The following AGBL4 variants were observed in gnomAD, a reference collection of about 807,000 sequenced individuals.
AGBL4 encodes the protein cytosolic carboxypeptidase 6.
Under a neutral mutation model 66.4 loss-of-function variants are expected in AGBL4, and 58 were observed. The ratio of observed to expected loss-of-function variants is 0.87; its 90% CI spans 0.71 to 1.09. AGBL4 has a LOEUF of 1.09. AGBL4 is among the 50% of genes least tolerant of loss of function. The probability of loss-of-function intolerance (pLI) is 0.00; values close to 1 mark genes in which losing one functional copy is unlikely to be tolerated. For missense variants in AGBL4, 579 were observed against 631.0 expected (o/e 0.92, Z 0.88); for synonymous variants, 234 against 222.9 (o/e 1.05, Z -0.44).
At position 49,948,036 on chromosome 1, in the gene AGBL4, A is replaced by ATG. The variant is rs1491406567; in HGVS notation, c.34+75726_34+75727insCA. Among the ~76,000 whole-genome samples, 2 of 14,680 alleles carry ATG rather than the reference A, an allele frequency of 1.4e-4. 1 individual carries two copies. The highest frequency in any genetic ancestry group is 3.1e-4 in the Non-Finnish European group (2 of 6,532). 9.6% of individuals were successfully genotyped at this position (14,680 alleles called of 152,430 possible). A position where few individuals can be genotyped will look rare whatever the true frequency, so the allele number is the denominator to read the frequency against. ...TATATAAATATATATAAATATATAT[A>ATG]CATATAAATATATAAATATATATAT... On this transcript the variant is annotated intron_variant, in intron 1 of 13. Transcript: ENST00000371839.
At chr1:48,537,221 G>A (rs1024986565) in intron 12 of AGBL4, among the ~76,000 whole-genome samples, 1 of 152,166 alleles carries the variant, frequency 6.6e-6, no homozygotes, top group Non-Finnish European at 1.5e-5. Flanking sequence ...CCAATCTAGA[G>A]CTAAATGGTG....
At chr1:49,126,455 T>A (rs947586065) in intron 4 of AGBL4, among the ~76,000 whole-genome samples, 2 of 152,068 alleles carry the variant, frequency 1.3e-5, no homozygotes, top group African/African-American at 2.4e-5. Flanking sequence ...AACTGAGTGA[T>A]AGAGACAAAG....
chr1:49,938,689 A>G (rs1173612211), intron 1 of AGBL4, among the ~76,000 whole-genome samples: 1 of 152,236 alleles, frequency 6.6e-6, no homozygotes, highest in Admixed American at 6.5e-5. Context: ...GGCTGGTTCA[A>G]TATACGCAAA....
chr1:49,012,375 A>T (rs1342041817), intron 5 of AGBL4, among the ~76,000 whole-genome samples: 1 of 152,152 alleles, frequency 6.6e-6, no homozygotes, highest in Non-Finnish European at 1.5e-5. Flanking sequence ...TAAAGACAGA[A>T]TTATGAGCAG....
At chr1:48,740,235 C>T (rs193152536) in intron 6 of AGBL4, among the ~76,000 whole-genome samples, 1 of 152,244 alleles carries the variant, frequency 6.6e-6, no homozygotes, top group Admixed American at 6.5e-5. Flanking sequence ...CTGAGGTTAG[C>T]AAGGCTCAAG....
intron 5 of AGBL4, among the ~76,000 whole-genome samples, chr1:49,029,543 A>G (rs1664039650): frequency 6.6e-6 from 1 of 152,214 alleles, no homozygotes; most frequent in Non-Finnish European, 1.5e-5. Context: ...AAGAAGATCT[A>G]AATAAAAACA....
At chr1:49,534,594 G>A (rs1311421102) in intron 3 of AGBL4, among the ~76,000 whole-genome samples, 1 of 152,170 alleles carries the variant, frequency 6.6e-6, no homozygotes, top group Non-Finnish European at 1.5e-5. Context: ...AGTATACATA[G>A]TAGCACTCAA....
intron 5 of AGBL4, among the ~76,000 whole-genome samples, chr1:48,936,697 C>CA (rs1297382906): frequency 1.3e-5 from 2 of 152,136 alleles, no homozygotes; most frequent in African/African-American, 4.8e-5. Flanking sequence ...GTCTTATTTG[C>CA]AAATAATAGT....
intron 6 of AGBL4, among the ~76,000 whole-genome samples, chr1:48,801,750 T>C (rs560830132): frequency 1.3e-5 from 2 of 152,254 alleles, no homozygotes; most frequent in Admixed American, 6.5e-5. Context: ...CTCCACAGGA[T>C]CTATGAACTC....
chr1:49,088,123 C>A (rs780962527), intron 4 of AGBL4, among the ~76,000 whole-genome samples: 15 of 152,110 alleles, frequency 9.9e-5, no homozygotes, highest in Admixed American at 5.9e-4. Flanking sequence ...CTGGCCACCA[C>A]AAAAACACAC....
At chr1:48,977,967 T>C (rs1018502643) in intron 5 of AGBL4, among the ~76,000 whole-genome samples, 5 of 152,168 alleles carry the variant, frequency 3.3e-5, no homozygotes, top group Non-Finnish European at 7.3e-5. Context: ...TTAGATTACA[T>C]ATTATTAAGG....
intron 1 of AGBL4, among the ~76,000 whole-genome samples, chr1:49,976,139 G>A (rs1432441042): frequency 6.6e-6 from 1 of 151,994 alleles, no homozygotes. Flanking sequence ...ACTTTGGAAG[G>A]GCTTCTGAAA....
At chr1:48,819,954 A>C (rs1011902869) in intron 6 of AGBL4, among the ~76,000 whole-genome samples, 1 of 152,188 alleles carries the variant, frequency 6.6e-6, no homozygotes, top group Non-Finnish European at 1.5e-5. Context: ...CTCTCCAATC[A>C]TAGTATTCCC....
rs375438857 is a variant in AGBL4, at chr1:48,964,277, C to T, written c.594+81307G>A. Reference sequence around the variant, plus strand: ...TTCTCCTAGACGATGGAGGCCCACTCGTGTGCCTGATCTCCGAGCAATATC... The same window carrying T: ...TTCTCCTAGACGATGGAGGCCCACTTGTGTGCCTGATCTCCGAGCAATATC... On this transcript the variant is annotated intron_variant, in intron 5 of 13. Transcript: ENST00000371839. Among the ~76,000 whole-genome samples, 52 of 152,322 alleles carry T rather than the reference C, an allele frequency of 3.4e-4. 1 individual carries two copies. The East Asian group carries it at 6.0e-3, about 18-fold the overall frequency.
intron 1 of AGBL4, among the ~76,000 whole-genome samples, chr1:49,880,404 G>A (rs1227298742): frequency 6.6e-6 from 1 of 152,010 alleles, no homozygotes; most frequent in Non-Finnish European, 1.5e-5. Context: ...CTGCAGGTCT[G>A]TTGGAATACC....
intron 1 of AGBL4, among the ~76,000 whole-genome samples, chr1:49,951,410 C>A (rs1656147253): frequency 1.3e-5 from 2 of 151,838 alleles, no homozygotes; most frequent in Admixed American, 6.6e-5. Context: ...TCAAAAAAGA[C>A]TCTGCAAAAA....
intron 6 of AGBL4, among the ~76,000 whole-genome samples, chr1:48,741,797 G>A (rs542589857): frequency 1.4e-4 from 21 of 152,260 alleles, no homozygotes; most frequent in African/African-American, 3.4e-4. Context: ...AACGAGAGGC[G>A]ATGTCTGTAA....
intron 1 of AGBL4, among the ~76,000 whole-genome samples, chr1:49,889,756 CAA>C (rs935164398): frequency 7.1e-6 from 1 of 141,504 alleles, no homozygotes. Flanking sequence ...GGCTCCATCT[CAA>C]AAAAAAAAAG....
chr1:49,093,463 C>T (rs914484933), intron 4 of AGBL4, among the ~76,000 whole-genome samples: 1 of 152,138 alleles, frequency 6.6e-6, no homozygotes, highest in African/African-American at 2.4e-5. Context: ...GTAGTAAGCA[C>T]ATCACACAAA....
Sources: allele counts gnomAD v4.1 joint callset (sites outside exome capture counted in the v4.1 genomes callset), GRCh38; gene constraint gnomAD v4.1.1; transcripts MANE v1.5; gene names NCBI Gene and HGNC (gene_info 2026-07-23, HGNC 2026-07-21).